The following VEPH1 variants were observed in gnomAD, a reference collection of about 807,000 sequenced individuals.
The protein encoded by VEPH1 is ventricular zone-expressed PH domain-containing protein homolog 1.
In VEPH1, 80 loss-of-function variants were observed where a neutral mutation model predicts 85.2. That is an observed-to-expected ratio of 0.94 (90% confidence interval 0.78 to 1.13). The LOEUF (loss-of-function observed/expected upper bound fraction) is 1.13. Ranked by LOEUF, VEPH1 falls within the 50% of genes most tolerant of loss-of-function variation. VEPH1 has a pLI of 0.00. For missense variants in VEPH1, 955 were observed against 980.5 expected (o/e 0.97, Z 0.35); for synonymous variants, 297 against 348.0 (o/e 0.85, Z 1.63).
intron 7 of VEPH1, among the ~76,000 whole-genome samples, chr3:157,375,992 C>A (rs985566979): frequency 1.3e-5 from 2 of 152,182 alleles, no homozygotes; most frequent in African/African-American, 4.8e-5. Flanking sequence ...ACGGCTTTGG[C>A]TGAAGTTTGC....
At chr3:157,354,837 A>G (rs1725250708) in intron 9 of VEPH1, among the ~76,000 whole-genome samples, 1 of 152,164 alleles carries the variant, frequency 6.6e-6, no homozygotes, top group Admixed American at 6.5e-5. Flanking sequence ...TCACCTGTAG[A>G]ATAGCATTTG....
At position 157,381,161 on chromosome 3, in the gene VEPH1, A is replaced by T. The variant is rs756195462; in HGVS notation, c.1122T>A (p.Ser374Arg). 1.2e-6 allele frequency: 2 copies of T among 1,613,156 alleles called. No homozygotes were observed. The highest frequency in any genetic ancestry group is 1.1e-5 in the South Asian group (1 of 91,020). The stretch of plus-strand genomic sequence containing the variant: ...ACACAGAAGCTCTTGCTCACCTGCC[A>T]CTTCCAGCCTTGGTATTTTCCAGTT... ...TRQLENTKAGSGRRKISTEIE... is the reference protein window; with the variant it reads ...TRQLENTKAGRGRRKISTEIE... The change falls in exon 7 of 14, where the codon AGT becomes AGA. Residue 374 changes from serine (S) to arginine (R), a missense_variant. By Grantham distance (110) the Ser-to-Arg change is moderately radical. Transcript: ENST00000362010.
chr3:157,437,012 T>G, intron 4 of VEPH1: 1 of 1,614,112 alleles, frequency 6.2e-7, no homozygotes, highest in Non-Finnish European at 8.5e-7. Context: ...TGATCTCATG[T>G]ATGTGAATTT....
intron 4 of VEPH1, among the ~76,000 whole-genome samples, chr3:157,441,173 G>A (rs1043985056): frequency 6.6e-6 from 1 of 152,132 alleles, no homozygotes; most frequent in African/African-American, 2.4e-5. Context: ...GAAATCTAGG[G>A]GTTCTATTAA....
intron 11 of VEPH1, 75 bp from the exon 12 acceptor site, chr3:157,286,749 G>T: frequency 8.2e-7 from 1 of 1,215,326 alleles, no homozygotes; most frequent in Non-Finnish European, 1.2e-6. Flanking sequence ...CTGGGAGAAG[G>T]GGATGTGGAT....
intron 4 of VEPH1, among the ~76,000 whole-genome samples, chr3:157,440,578 A>G (rs1163102457): frequency 6.6e-6 from 1 of 152,170 alleles, no homozygotes; most frequent in Admixed American, 6.5e-5. Context: ...AAATACCTAC[A>G]TACACATACA....
chr3:157,474,839 G>A (rs1247423984), intron 2 of VEPH1, among the ~76,000 whole-genome samples: 1 of 151,706 alleles, frequency 6.6e-6, no homozygotes, highest in African/African-American at 2.4e-5. Context: ...AAAAGAAATA[G>A]CCTATATATT....
chr3:157,410,807 G>A (rs1056588646), intron 6 of VEPH1, among the ~76,000 whole-genome samples: 2 of 152,058 alleles, frequency 1.3e-5, no homozygotes, highest in Non-Finnish European at 2.9e-5. Context: ...CAGAGCATAC[G>A]GGAGGTAATC....
At chr3:157,377,831 T>C (rs557211897) in intron 7 of VEPH1, among the ~76,000 whole-genome samples, 1 of 152,310 alleles carries the variant, frequency 6.6e-6, no homozygotes, top group Non-Finnish European at 1.5e-5. Context: ...TACAACAGTA[T>C]GAAAATGGAC....
At chr3:157,343,846 A>T (rs1005957024) in intron 9 of VEPH1, among the ~76,000 whole-genome samples, 1 of 152,210 alleles carries the variant, frequency 6.6e-6, no homozygotes, top group African/African-American at 2.4e-5. Flanking sequence ...AGTGGGTTTC[A>T]TCCCTGGGAT....
At chr3:157,493,922 A>G (rs1739437032) in intron 2 of VEPH1, among the ~76,000 whole-genome samples, 1 of 152,212 alleles carries the variant, frequency 6.6e-6, no homozygotes, top group South Asian at 2.1e-4. Flanking sequence ...TGTAATTTTC[A>G]GCCAACTGAT....
intron 6 of VEPH1, among the ~76,000 whole-genome samples, chr3:157,411,242 T>A (rs1577591571): frequency 2.0e-5 from 3 of 152,196 alleles, no homozygotes; most frequent in Admixed American, 1.3e-4. Context: ...TCTAGAGAGA[T>A]TGCCTTCTAG....
Position 157,406,836 on chromosome 3 carries a change from G to T in VEPH1, c.906+7045C>A, listed in dbSNP as rs994748046. Among the ~76,000 whole-genome samples, 3 of 152,094 alleles carry T rather than the reference G, an allele frequency of 2.0e-5. 1 individual carries two copies. In the South Asian group the frequency reaches 6.2e-4, roughly 32 times the overall value. Reference sequence around the variant, plus strand: ...CTTGTAGGTCTGGCACAGAGGAGGGGCATGGTAATGAAGTGCATGCTACAT... The same window carrying T: ...CTTGTAGGTCTGGCACAGAGGAGGGTCATGGTAATGAAGTGCATGCTACAT... On this transcript the variant is annotated intron_variant, in intron 6 of 13. Transcript: ENST00000362010.
intron 11 of VEPH1, among the ~76,000 whole-genome samples, chr3:157,305,036 A>ATCTATCTATCTGTC (rs1719307763): frequency 5.0e-5 from 7 of 139,500 alleles, no homozygotes; most frequent in African/African-American, 1.6e-4. Context: ...GTGTATTGTT[A>ATCTATCTATCTGTC]TATCTATCTA....
chr3:157,495,526 C>A lies in VEPH1; in HGVS notation c.-157-20G>T. On this transcript the variant is annotated intron_variant, in intron 1 of 13. Coordinates refer to ENST00000362010, the MANE Select transcript of VEPH1 (RefSeq NM_001167912.2). ...CACTCTCTGCAAGGGAAACAAATGA[C>A]ACAATGTAGCCACTGGCAGAATGGC... 1 of 1,413,034 alleles carries A rather than the reference C, an allele frequency of 7.1e-7. No individual in the cohort carries two copies. The highest frequency in any genetic ancestry group is 9.2e-7 in the Non-Finnish European group (1 of 1,083,408). The allele number at this position is 1,413,034 out of a possible 1,614,324, so 87.5% of individuals were successfully genotyped here.
intron 9 of VEPH1, among the ~76,000 whole-genome samples, chr3:157,319,261 T>C (rs12491052): frequency 0.24 from 37,148 of 152,150 alleles, 4,976 homozygotes; most frequent in South Asian, 0.34. Context: ...GAACATACAG[T>C]GTTCTTGTAT....
Position 157,322,867 on chromosome 3 carries a change from T to C in VEPH1, c.1736-5666A>G, listed in dbSNP as rs549298860. On this transcript the variant is annotated intron_variant, in intron 9 of 13. Coordinates refer to ENST00000362010, the MANE Select transcript of VEPH1 (RefSeq NM_001167912.2). ...CATTTAATTGTATGAATGTCCTAAA[T>C]TGGACAGGAAAAAAAAGTAGAAGAA... Among the ~76,000 whole-genome samples, 536 of 152,286 alleles carry C rather than the reference T, an allele frequency of 3.5e-3. 2 individuals carry two copies. The highest frequency in any genetic ancestry group is 0.012 in the African/African-American group (506 of 41,554).
At chr3:157,392,907 C>T (rs1241024541) in intron 6 of VEPH1, among the ~76,000 whole-genome samples, 3 of 152,178 alleles carry the variant, frequency 2.0e-5, no homozygotes, top group African/African-American at 7.2e-5. Flanking sequence ...CCCCAGCCTG[C>T]TATAAAGTGA....
chr3:157,374,074 GGAGTAAAT>G (rs1480260673), intron 7 of VEPH1, among the ~76,000 whole-genome samples: 1 of 152,120 alleles, frequency 6.6e-6, no homozygotes, highest in East Asian at 1.9e-4. Context: ...GACAACTGGT[GGAGTAAAT>G]GAATAACAGC....
Sources: allele counts gnomAD v4.1 joint callset (sites outside exome capture counted in the v4.1 genomes callset), GRCh38; gene constraint gnomAD v4.1.1; transcripts MANE v1.5; gene names NCBI Gene and HGNC (gene_info 2026-07-23, HGNC 2026-07-21).